The following KCNT2 variants were observed in gnomAD, a reference collection of about 807,000 sequenced individuals.
The protein encoded by KCNT2 is potassium channel subfamily T member 2.
Under a neutral mutation model 153.8 loss-of-function variants are expected in KCNT2, and 67 were observed. The ratio of observed to expected loss-of-function variants is 0.44; its 90% CI spans 0.36 to 0.53. The LOEUF is 0.53. Ranked by LOEUF, KCNT2 falls within the 20% of genes least tolerant of loss-of-function variation. KCNT2 has a pLI of 0.00. For missense variants in KCNT2, 975 were observed against 1,354.8 expected, an observed-to-expected ratio of 0.72 and a Z score of 4.40; for synonymous variants, 500 against 458.8, an observed-to-expected ratio of 1.09 and a Z score of -1.15.
At chr1:196,300,127 T>G (rs775013475) in intron 22 of KCNT2, among the ~76,000 whole-genome samples, 7 of 152,206 alleles carry the variant, frequency 4.6e-5, no homozygotes, top group Non-Finnish European at 7.3e-5. Context: ...TTACACAGGC[T>G]GCAAGGAGTG....
chr1:196,228,927 T>G (rs1653709652), intron 27 of KCNT2, among the ~76,000 whole-genome samples: 1 of 152,102 alleles, frequency 6.6e-6, no homozygotes, highest in African/African-American at 2.4e-5. Flanking sequence ...AGCAGGAAAA[T>G]TATTTATCTA....
chr1:196,476,329 T>C (rs1678527131), intron 5 of KCNT2, among the ~76,000 whole-genome samples: 1 of 152,196 alleles, frequency 6.6e-6, no homozygotes, highest in Non-Finnish European at 1.5e-5. Flanking sequence ...TATGTATGCA[T>C]GTATATTAAT....
chr1:196,331,686 C>T (rs1664479492), intron 17 of KCNT2, among the ~76,000 whole-genome samples: 1 of 151,900 alleles, frequency 6.6e-6, no homozygotes, highest in South Asian at 2.1e-4. Flanking sequence ...CTGGTTGTTC[C>T]TATTTATAAA....
At chr1:196,374,218 AT>A (rs1465390713) in intron 13 of KCNT2, among the ~76,000 whole-genome samples, 1 of 151,934 alleles carries the variant, frequency 6.6e-6, no homozygotes, top group Non-Finnish European at 1.5e-5. Flanking sequence ...TTTTAGCAAA[AT>A]TAAGAAATAG....
Position 196,367,267 on chromosome 1 carries a change from G to A in KCNT2, c.1403+5873C>T, listed in dbSNP as rs1217191307. Among the ~76,000 whole-genome samples, 6 of 152,162 alleles carry A rather than the reference G, an allele frequency of 3.9e-5. No homozygotes were observed. The Middle Eastern group carries it at 0.01, about 259-fold the overall frequency. Reference sequence around the variant, plus strand: ...TGTAGTAACTATACCATAGGTATACGTAATATTTATTTTAGCAGAATGATT... The same window carrying A: ...TGTAGTAACTATACCATAGGTATACATAATATTTATTTTAGCAGAATGATT... On this transcript the variant is annotated intron_variant, in intron 14 of 27. Transcript: ENST00000294725.
chr1:196,479,340 C>T, intron 4 of KCNT2, 102 bp from the exon 5 acceptor site: 3 of 664,392 alleles, frequency 4.5e-6, no homozygotes, highest in Non-Finnish European at 7.9e-6. Context: ...TGCATGTATA[C>T]ATATATGGGT....
At chr1:196,249,775 C>CA (rs1256536345) in intron 26 of KCNT2, among the ~76,000 whole-genome samples, 245 of 123,908 alleles carry the variant, frequency 2.0e-3, no homozygotes, top group African/African-American at 4.1e-3. Flanking sequence ...GACTCTGTCT[C>CA]AAAAAAAAAA....
In KCNT2 at chr1:196,608,096, G is replaced by T. The variant is rs1013500264; in HGVS notation, c.95+119C>A. On this transcript the variant is annotated intron_variant, in intron 1 of 27. Coordinates refer to ENST00000294725, the MANE Select transcript of KCNT2 (RefSeq NM_198503.5). The stretch of plus-strand genomic sequence containing the variant: ...AGAGTCTCTTTTACTCCCTCCCCCA[G>T]CCTAGTCTCCCTCTCTGGCTCCGTT... 3.7e-5 allele frequency: 31 copies of T among 844,530 alleles called. No homozygotes were observed. In the East Asian group the frequency reaches 3.9e-4, roughly 11 times the overall value. The allele number at this position is 844,530 out of a possible 1,614,324, so 52.3% of individuals were successfully genotyped here.
At chr1:196,479,831 A>G (rs1367179891) in intron 4 of KCNT2, among the ~76,000 whole-genome samples, 1 of 152,256 alleles carries the variant, frequency 6.6e-6, no homozygotes, top group African/African-American at 2.4e-5. Flanking sequence ...AATACAGAAA[A>G]TGAAATAACA....
intron 20 of KCNT2, 69 bp downstream of exon 20, chr1:196,319,415 A>G: frequency 1.0e-6 from 1 of 986,242 alleles, no homozygotes. Flanking sequence ...TCATGCAGTA[A>G]CAAGGCACAG....
intron 1 of KCNT2, among the ~76,000 whole-genome samples, chr1:196,523,354 A>G (rs894526192): frequency 2.0e-5 from 3 of 152,208 alleles, no homozygotes; most frequent in African/African-American, 7.2e-5. Flanking sequence ...GAAGTCAGCA[A>G]GACCAAGAAC....
chr1:196,425,467 T>C (rs1035900006), intron 11 of KCNT2, among the ~76,000 whole-genome samples: 1 of 151,964 alleles, frequency 6.6e-6, no homozygotes, highest in Non-Finnish European at 1.5e-5. Flanking sequence ...TGTCACACCA[T>C]ATTTAGCCCA....
intron 12 of KCNT2, 64 bp downstream of exon 12, chr1:196,422,986 C>T (rs2148519799): frequency 8.9e-7 from 1 of 1,118,904 alleles, no homozygotes; most frequent in East Asian, 2.6e-5. Context: ...TTTAAAAACT[C>T]AAATTAAAAA....
chr1:196,416,576 A>G (rs909834034), intron 12 of KCNT2, among the ~76,000 whole-genome samples: 1 of 152,000 alleles, frequency 6.6e-6, no homozygotes. Flanking sequence ...TTGTTTCACT[A>G]AACAGTTTTT....
intron 19 of KCNT2, among the ~76,000 whole-genome samples, chr1:196,321,930 T>C (rs867788102): frequency 6.6e-6 from 1 of 152,066 alleles, no homozygotes; most frequent in South Asian, 2.1e-4. Flanking sequence ...AATGATATTA[T>C]AGGCTCATAA....
rs572387522 is a variant in KCNT2, at chr1:196,285,448, T to C, written c.2697+209A>G. Among the ~76,000 whole-genome samples, 49 of 152,250 alleles carry C rather than the reference T, an allele frequency of 3.2e-4. 1 individual carries two copies. Among genetic ancestry groups the C allele is most frequent in the Non-Finnish European group, 6.0e-4 (41 of 67,992 alleles). ...AAAAGAATGCCTGAAATAATTTCCA[T>C]AGGTTATTTTTAAAAATAGTATTTT... On this transcript the variant is annotated intron_variant, in intron 23 of 27. Coordinates refer to ENST00000294725, the MANE Select transcript of KCNT2 (RefSeq NM_198503.5).
At chr1:196,541,157 T>C (rs937419515) in intron 1 of KCNT2, among the ~76,000 whole-genome samples, 1 of 151,620 alleles carries the variant, frequency 6.6e-6, no homozygotes, top group Admixed American at 6.6e-5. Flanking sequence ...AAGCATCTAA[T>C]ATCTAATTAT....
intron 1 of KCNT2, among the ~76,000 whole-genome samples, chr1:196,516,073 C>T (rs1682025774): frequency 6.6e-6 from 1 of 152,186 alleles, no homozygotes; most frequent in African/African-American, 2.4e-5. Context: ...GGAGGTCAGA[C>T]CTGCGTACAT....
At chr1:196,468,833 C>T (rs762617166) in intron 6 of KCNT2, among the ~76,000 whole-genome samples, 161 bp downstream of exon 6, 9 of 152,068 alleles carry the variant, frequency 5.9e-5, no homozygotes, top group Non-Finnish European at 8.8e-5. Context: ...AGTTACACAA[C>T]ACGATCCAAC....
Sources: allele counts gnomAD v4.1 joint callset (sites outside exome capture counted in the v4.1 genomes callset), GRCh38; gene constraint gnomAD v4.1.1; transcripts MANE v1.5; gene names NCBI Gene and HGNC (gene_info 2026-07-23, HGNC 2026-07-21).